Variants in NAALADL2 observed in about 807,000 individuals in gnomAD.
NAALADL2 encodes the protein N-acetylated alpha-linked acidic dipeptidase like 2.
A neutral mutation model predicts 87.2 loss-of-function variants in NAALADL2; 76 were observed. That is an observed-to-expected ratio of 0.87 (90% CI 0.72 to 1.05). NAALADL2 has a LOEUF of 1.05. Ranked by LOEUF, NAALADL2 falls within the 50% of genes least tolerant of loss-of-function variation. NAALADL2 has a pLI of 0.00. For synonymous variants in NAALADL2, 354 were observed against 331.0 expected, an observed-to-expected ratio of 1.07 and a Z score of -0.75; for missense variants, 1,089 against 945.8, an observed-to-expected ratio of 1.15 and a Z score of -1.99.
At chr3:175,011,272 C>CAGGG (rs1434517971) in intron 1 of NAALADL2, among the ~76,000 whole-genome samples, 4 of 110,290 alleles carry the variant, frequency 3.6e-5, no homozygotes, top group African/African-American at 1.3e-4. Flanking sequence ...GGGAGAGAGA[C>CAGGG]AGAGAGACAG....
At chr3:174,668,446 G>T (rs1426756897) in intron 2 of NAALADL2, among the ~76,000 whole-genome samples, 1 of 152,000 alleles carries the variant, frequency 6.6e-6, no homozygotes, top group African/African-American at 2.4e-5. Context: ...TATACTTTAA[G>T]TTCTAGGGTA....
At chr3:175,402,672 C>T (rs1711541338) in intron 5 of NAALADL2, among the ~76,000 whole-genome samples, 1 of 152,010 alleles carries the variant, frequency 6.6e-6, no homozygotes, top group Non-Finnish European at 1.5e-5. Flanking sequence ...CGTGCCATTC[C>T]CACTATCTAT....
intron 13 of NAALADL2, chr3:175,776,260 A>C (rs922381127): frequency 6.6e-6 from 1 of 152,060 alleles, no homozygotes; most frequent in East Asian, 1.9e-4. Context: ...CCTCCATTTG[A>C]CATACCTCCC....
At chr3:174,760,633 A>G (rs1235838977) in intron 3 of NAALADL2, among the ~76,000 whole-genome samples, 1 of 152,236 alleles carries the variant, frequency 6.6e-6, no homozygotes, top group Non-Finnish European at 1.5e-5. Flanking sequence ...CTGGATGGCC[A>G]CTGAATGGCC....
chr3:175,122,326 C>T (rs1206658246), intron 2 of NAALADL2, among the ~76,000 whole-genome samples: 9 of 151,830 alleles, frequency 5.9e-5, no homozygotes, highest in Non-Finnish European at 1.2e-4. Context: ...ATATCCAGTG[C>T]AATCCCCCAA....
chr3:175,131,732 C>G (rs145637244), intron 2 of NAALADL2, among the ~76,000 whole-genome samples: 1 of 147,758 alleles, frequency 6.8e-6, no homozygotes, highest in Admixed American at 6.7e-5. Flanking sequence ...GGCAGAGGCG[C>G]CCCTCACCCC....
intron 1 of NAALADL2, among the ~76,000 whole-genome samples, chr3:174,866,197 A>C (rs1215068219): frequency 3.3e-5 from 5 of 151,944 alleles, no homozygotes; most frequent in South Asian, 2.1e-4. Context: ...AGAGGATAAG[A>C]GACAGGCCTA....
At chr3:175,183,311 T>C (rs1366008996) in intron 2 of NAALADL2, among the ~76,000 whole-genome samples, 1 of 151,982 alleles carries the variant, frequency 6.6e-6, no homozygotes, top group Non-Finnish European at 1.5e-5. Context: ...AGATAGTTCA[T>C]TGTTCGTGAC....
chr3:175,740,629 A>C (rs1362196647), intron 12 of NAALADL2, among the ~76,000 whole-genome samples: 1 of 152,228 alleles, frequency 6.6e-6, no homozygotes, highest in Non-Finnish European at 1.5e-5. Flanking sequence ...TGGTTCTTGC[A>C]AAATATAGTA....
intron 1 of NAALADL2, among the ~76,000 whole-genome samples, chr3:174,456,798 C>G (rs1715868817): frequency 6.6e-6 from 1 of 152,032 alleles, no homozygotes; most frequent in African/African-American, 2.4e-5. Flanking sequence ...CCATTCTGGA[C>G]ACAGGAATGG....
At chr3:175,501,830 G>A (rs1729590356) in intron 9 of NAALADL2, among the ~76,000 whole-genome samples, 1 of 152,108 alleles carries the variant, frequency 6.6e-6, no homozygotes, top group Non-Finnish European at 1.5e-5. Flanking sequence ...ACTCAAGTGT[G>A]TAGAGAGATG....
At chr3:175,222,724 T>G (rs1743563927) in intron 2 of NAALADL2, among the ~76,000 whole-genome samples, 1 of 152,194 alleles carries the variant, frequency 6.6e-6, no homozygotes, top group South Asian at 2.1e-4. Flanking sequence ...TGTCCATATT[T>G]AATTTATATG....
chr3:175,460,046 T>A (rs1722878827), intron 6 of NAALADL2: 2 of 406,504 alleles, frequency 4.9e-6, no homozygotes, highest in South Asian at 3.6e-5. Context: ...CTATTACAGA[T>A]TATACTACAG....
chr3:175,739,455 G>A (rs2150089951), intron 12 of NAALADL2, among the ~76,000 whole-genome samples: 1 of 152,162 alleles, frequency 6.6e-6, no homozygotes, highest in South Asian at 2.1e-4. Flanking sequence ...GGCTAATACT[G>A]ATGCTCAAAA....
rs73034457 is a variant in NAALADL2, at chr3:175,045,879, G to A, written c.44-50911G>A. ...GAGGAACACTATCACTATTTTCCAAGACTTTTTACTATTCGAGTATTCTTG... is the reference window on the plus strand; with the variant it reads ...GAGGAACACTATCACTATTTTCCAAAACTTTTTACTATTCGAGTATTCTTG... On this transcript the variant is annotated intron_variant, in intron 1 of 13. Transcript: ENST00000454872. Among the ~76,000 whole-genome samples, 465 of 152,126 alleles carry A rather than the reference G, an allele frequency of 3.1e-3. 3 individuals carry two copies. Among genetic ancestry groups the A allele is most frequent in the African/African-American group, 0.011 (447 of 41,506 alleles).
chr3:174,910,567 G>A (rs1394228565), intron 1 of NAALADL2, among the ~76,000 whole-genome samples: 3 of 151,974 alleles, frequency 2.0e-5, no homozygotes, highest in African/African-American at 7.3e-5. Context: ...TAGCAGGAAA[G>A]GTAGGAGTTA....
chr3:174,489,992 G>A (rs1718083294), intron 1 of NAALADL2, among the ~76,000 whole-genome samples: 1 of 152,004 alleles, frequency 6.6e-6, no homozygotes, highest in East Asian at 1.9e-4. Flanking sequence ...AAACAGTTGG[G>A]CAATTTCTCA....
chr3:175,781,554 T>TATATTAGAATTGTTATATTA, intron 13 of NAALADL2, among the ~76,000 whole-genome samples: 1 of 151,980 alleles, frequency 6.6e-6, no homozygotes, highest in Non-Finnish European at 1.5e-5. Flanking sequence ...TATGATACAT[T>TATATTAGAATTGTTATATTA]GAATTGTTAT....
intron 3 of NAALADL2, among the ~76,000 whole-genome samples, chr3:174,746,276 T>G (rs1284827763): frequency 6.6e-6 from 1 of 152,100 alleles, no homozygotes; most frequent in Non-Finnish European, 1.5e-5. Flanking sequence ...AGCATTCTTA[T>G]ACACCAACAA....
Sources: allele counts gnomAD v4.1 joint callset (sites outside exome capture counted in the v4.1 genomes callset), GRCh38; gene constraint gnomAD v4.1.1; transcripts MANE v1.5; gene names NCBI Gene and HGNC (gene_info 2026-07-23, HGNC 2026-07-21).